The following NPEPL1 variants were observed in gnomAD, a reference collection of about 807,000 sequenced individuals.
NPEPL1 encodes aminopeptidase like 1, also known as probable aminopeptidase NPEPL1.
Under a neutral mutation model 52.4 loss-of-function variants are expected in NPEPL1, and 45 were observed. The ratio of observed to expected loss-of-function variants is 0.86; its 90% CI spans 0.68 to 1.10. The LOEUF (loss-of-function observed/expected upper bound fraction) is 1.10. Ranked by LOEUF, NPEPL1 falls within the 50% of genes least tolerant of loss-of-function variation. The pLI is 0.00. For synonymous variants in NPEPL1, 360 were observed against 314.7 expected (o/e 1.14, Z -1.52); for missense variants, 696 against 710.9 (o/e 0.98, Z 0.24).
chr20:58,710,683 C>T (rs1471532023), intron 7 of NPEPL1: 3 of 152,464 alleles, frequency 2.0e-5, no homozygotes, highest in Non-Finnish European at 4.4e-5. Flanking sequence ...CCAGGTAACA[C>T]CCAGGAAGTG....
chr20:58,694,013 A>T, intron 2 of NPEPL1, 91 bp downstream of exon 2: 2 of 1,265,200 alleles, frequency 1.6e-6, no homozygotes, highest in Non-Finnish European at 2.2e-6. Context: ...CTCAGACTGC[A>T]GCGCACGCCC....
chr20:58,690,660 G>A (rs575673884), upstream of NPEPL1, among the ~76,000 whole-genome samples: 22 of 152,160 alleles, frequency 1.4e-4, no homozygotes, highest in Non-Finnish European at 2.5e-4. Flanking sequence ...AGCATCTAAC[G>A]TTTTCTCTTG....
At chr20:58,714,414 C>G in intron 10 of NPEPL1, 146 bp from the exon 11 acceptor site, 1 of 638,952 alleles carries the variant, frequency 1.6e-6, no homozygotes, top group Non-Finnish European at 2.6e-6. Context: ...AAGGCCCTCC[C>G]AGCCCAGCTT....
rs775283735 is a variant in NPEPL1, at chr20:58,712,593, TCC to T, written c.1001+16_1001+17del. ...GTACTCAGGGAAGTACGTCTGGCCC[TCC>T]CACTCCTTCCTGCCCACTGTTGGAA... On this transcript the variant is annotated intron_variant, in intron 8 of 11. Transcript: ENST00000356091. The T allele has an allele frequency of 6.4e-7, 1 of 1,553,164 alleles. No homozygotes were observed. Among genetic ancestry groups the T allele is most frequent in the Non-Finnish European group, 8.9e-7 (1 of 1,124,874 alleles).
At chr20:58,712,833 G>A in intron 8 of NPEPL1, 1 of 586,454 alleles carries the variant, frequency 1.7e-6, no homozygotes. Flanking sequence ...GGTCTACCCT[G>A]CATTACCAGG....
chr20:58,712,378 C>T, intron 7 of NPEPL1, 101 bp from the exon 8 acceptor site: 7 of 751,678 alleles, frequency 9.3e-6, no homozygotes, highest in Non-Finnish European at 1.6e-5. Flanking sequence ...AGCCATCTCT[C>T]TCTCTCCTGC....
In NPEPL1 at chr20:58,715,182, A is replaced by C. The variant is rs769923576; in HGVS notation, c.1428A>C (p.Thr476=). The C allele has an allele frequency of 1.2e-6, 2 of 1,605,860 alleles. No homozygotes were observed. The highest frequency in any genetic ancestry group is 4.5e-5 in the East Asian group (2 of 44,652). Residue 476 remains threonine (T), a synonymous_variant, in exon 12 of 12, where the codon ACA becomes ACC. Transcript: ENST00000356091. ...AAPVHAGERA[T]GFGVALLLAL... is the part of the protein sequence containing the mutation. ...TTTGCTTGCAGGGTGAGCGAGCCAC[A>C]GGCTTCGGTGTGGCCCTCCTGCTGG...
intron 6 of NPEPL1, among the ~76,000 whole-genome samples, chr20:58,701,831 G>A (rs544076017): frequency 7.2e-5 from 11 of 152,264 alleles, no homozygotes; most frequent in South Asian, 2.1e-4. Flanking sequence ...GGAACATCCC[G>A]GTGCGGTGGC....
chr20:58,705,648 A>G (rs1568855669), intron 6 of NPEPL1: 1 of 435,890 alleles, frequency 2.3e-6, no homozygotes, highest in Non-Finnish European at 4.7e-6. Flanking sequence ...AAACAGAAAC[A>G]ACATATGGGG....
In NPEPL1 at chr20:58,694,481, G is replaced by A. The variant is rs764595004; in HGVS notation, c.396G>A (p.Pro132=). The change falls in exon 3 of 12, where the codon CCG becomes CCA. Residue 132 remains proline, a synonymous_variant. Transcript: ENST00000356091. Reference sequence around the variant, plus strand: ...CCTGTGCCCTGGCCCGGGCCTTCCCGCTGTTCACCCACCGCTCAGGTGCCT... The same window carrying A: ...CCTGTGCCCTGGCCCGGGCCTTCCCACTGTTCACCCACCGCTCAGGTGCCT... ...ASACALARAF[P]LFTHRSGASR... is the part of the protein sequence containing the mutation. The A allele has an allele frequency of 9.3e-6, 15 of 1,613,814 alleles. No homozygotes were observed. In the African/African-American group the frequency reaches 9.3e-5, roughly 10 times the overall value.
intron 3 of NPEPL1, 59 bp downstream of exon 3, chr20:58,694,651 A>C: frequency 6.6e-7 from 1 of 1,508,770 alleles, no homozygotes; most frequent in Non-Finnish European, 8.9e-7. Flanking sequence ...GGCAGGTGGG[A>C]GGGAGGTCGG....
chr20:58,698,656 T>A, intron 3 of NPEPL1, 28 bp from the exon 4 acceptor site: 1 of 1,594,224 alleles, frequency 6.3e-7, no homozygotes, highest in Non-Finnish European at 8.6e-7. Flanking sequence ...TCCCACCTGG[T>A]CCCCAGTGAT....
chr20:58,707,229 G>A (rs1179071702), intron 7 of NPEPL1, 29 bp downstream of exon 7: 2 of 1,533,928 alleles, frequency 1.3e-6, no homozygotes, highest in South Asian at 2.4e-5. Context: ...CCCTCTGCAG[G>A]GGCATCCTGG....
chr20:58,715,285 G>T lies in NPEPL1; in HGVS notation c.1531G>T (p.Gly511Trp), dbSNP rs1239602571. The T allele has an allele frequency of 1.2e-6, 2 of 1,611,456 alleles. No homozygotes were observed. Among genetic ancestry groups the T allele is most frequent in the Non-Finnish European group, 8.5e-7 (1 of 1,179,228 alleles). Residue 511 changes from glycine (G) to tryptophan (W), a missense_variant, in exon 12 of 12, where the codon GGG becomes TGG. Physicochemically the swap from Gly to Trp is radical, Grantham distance 184. Transcript: ENST00000356091. ...PLGCEVDVEE[G>W]DLGRDSKRRR... The stretch of plus-strand genomic sequence containing the variant: ...GGGCTGTGAGGTGGATGTCGAGGAG[G>T]GGGACCTGGGGAGGGACTCCAAGAG...
chr20:58,712,635 C>T lies in NPEPL1; in HGVS notation c.1001+56C>T, dbSNP rs560704940. 273 of 1,277,132 alleles carry T rather than the reference C, an allele frequency of 2.1e-4. No individual in the cohort carries two copies. In the African/African-American group the frequency reaches 3.0e-3, roughly 14 times the overall value. 79.1% of individuals were successfully genotyped at this position (1,277,132 alleles called of 1,614,324 possible). Reference sequence around the variant, plus strand: ...CACTGTTGGAACTCGCGACCCTTCCCGGCCTGCAATGCCAGCTCACTCCAG... The same window carrying T: ...CACTGTTGGAACTCGCGACCCTTCCTGGCCTGCAATGCCAGCTCACTCCAG... On this transcript the variant is annotated intron_variant, in intron 8 of 11. Coordinates refer to ENST00000356091, the MANE Select transcript of NPEPL1 (RefSeq NM_024663.4).
At position 58,708,143 on chromosome 20, in the gene NPEPL1, C is replaced by A. The variant is rs952438469; in HGVS notation, c.900+943C>A. Among the ~76,000 whole-genome samples the A allele has an allele frequency of 2.0e-5, 3 of 152,206 alleles. 1 individual carries two copies. The highest frequency in any genetic ancestry group is 1.3e-4 in the Admixed American group (2 of 15,288). On this transcript the variant is annotated intron_variant, in intron 7 of 11. Transcript: ENST00000356091. ...ATCAGCCGAGGTTTTACCTTCCTAG[C>A]CTACCTTTCTCAGGCCAGCAACCCA...
chr20:58,693,824 CCCTGCAGGGTGAGCCGGCA>C lies in NPEPL1; in HGVS notation c.240_258del (p.Cys81ThrfsTer26), dbSNP rs764990715. On this transcript the variant is annotated frameshift_variant, in exon 2 of 12. Coordinates refer to ENST00000356091, the MANE Select transcript of NPEPL1 (RefSeq NM_024663.4). LOFTEE classifies it high-confidence loss of function. ...GAACTACGCCACCGTGGCTGCCCTG[CCCTGCAGGGTGAGCCGGCA>C]CAACAGCCCCTCGGCCGCCCACTTC... The C allele has an allele frequency of 1.9e-6, 3 of 1,613,748 alleles. No homozygotes were observed. The South Asian group carries it at 3.3e-5, about 18-fold the overall frequency.
intron 11 of NPEPL1, 106 bp downstream of exon 11, chr20:58,714,776 C>T: frequency 1.1e-6 from 1 of 894,804 alleles, no homozygotes; most frequent in Non-Finnish European, 1.7e-6. Context: ...AAACTTCTGT[C>T]TGTGACCCAG....
At chr20:58,695,333 T>TATGTGTTGCTGTGTATGTTTGCTG (rs2084464278) in intron 3 of NPEPL1, among the ~76,000 whole-genome samples, 1 of 72,312 alleles carries the variant, frequency 1.4e-5, no homozygotes, top group Non-Finnish European at 3.1e-5. Flanking sequence ...GTGTGTGTGG[T>TATGTGTTGCTGTGTATGTTTGCTG]GTGTGTGCAT....
Sources: allele counts gnomAD v4.1 joint callset (sites outside exome capture counted in the v4.1 genomes callset), GRCh38; gene constraint gnomAD v4.1.1; transcripts MANE v1.5; gene names NCBI Gene and HGNC (gene_info 2026-07-23, HGNC 2026-07-21).